Variants in TMEM245 observed in about 807,000 individuals in gnomAD.
TMEM245 encodes the protein transmembrane protein 245.
A neutral mutation model predicts 101.2 loss-of-function variants in TMEM245; 69 were observed. The ratio of observed to expected loss-of-function variants is 0.68; its 90% CI spans 0.56 to 0.83. The LOEUF (loss-of-function observed/expected upper bound fraction) is 0.83. Ranked by LOEUF, TMEM245 falls within the 40% of genes least tolerant of loss-of-function variation. The pLI is 0.00. For synonymous variants in TMEM245, 537 were observed against 449.8 expected, an observed-to-expected ratio of 1.19 and a Z score of -2.45; for missense variants, 1,075 against 1,092.8, an observed-to-expected ratio of 0.98 and a Z score of 0.23.
intron 17 of TMEM245, among the ~76,000 whole-genome samples, chr9:109,023,657 A>T (rs1285857124): frequency 1.3e-5 from 2 of 151,822 alleles, no homozygotes; most frequent in Non-Finnish European, 2.9e-5. Flanking sequence ...ACATGGTGAA[A>T]CCCCGTCCCC....
Position 109,050,401 on chromosome 9 carries a change from G to C in TMEM245, c.2005C>G (p.Leu669Val). The C allele has an allele frequency of 6.2e-7, 1 of 1,614,020 alleles. No individual in the cohort carries two copies. The highest frequency in any genetic ancestry group is 1.1e-5 in the South Asian group (1 of 91,078). The change falls in exon 14 of 18, where the codon CTA (leucine) becomes GTA (valine). Residue 669 changes from leucine to valine, a missense_variant. By Grantham distance (32) the Leu-to-Val change is conservative. Transcript: ENST00000374586. ...LIIFLTTLFY[L>V]LSSSDEYYKP... ...TAGTACTCATCACTGGAACTTAATA[G>C]ATAAAATAGTGTGGTCAGGAAAATT...
chr9:109,027,214 A>C (rs1243585352), intron 17 of TMEM245, among the ~76,000 whole-genome samples: 1 of 152,112 alleles, frequency 6.6e-6, no homozygotes, highest in Non-Finnish European at 1.5e-5. Context: ...ATGGGGGTAA[A>C]CACAGGACTG....
intron 12 of TMEM245, among the ~76,000 whole-genome samples, chr9:109,053,806 G>A (rs1449701263): frequency 6.6e-6 from 1 of 152,234 alleles, no homozygotes; most frequent in African/African-American, 2.4e-5. Context: ...AAACAAAGGA[G>A]GAAGAGGACA....
At chr9:109,053,459 G>A (rs1425474741) in intron 12 of TMEM245, among the ~76,000 whole-genome samples, 2 of 152,102 alleles carry the variant, frequency 1.3e-5, no homozygotes. Context: ...TAACTCAGAA[G>A]TAGAAAACAT....
chr9:109,046,858 G>C (rs1162290722), intron 14 of TMEM245, among the ~76,000 whole-genome samples: 1 of 152,018 alleles, frequency 6.6e-6, no homozygotes, highest in Non-Finnish European at 1.5e-5. Context: ...AAACCTTCAG[G>C]ATGAAAAATC....
At chr9:109,107,955 A>C (rs1830471010) in intron 2 of TMEM245, among the ~76,000 whole-genome samples, 1 of 152,192 alleles carries the variant, frequency 6.6e-6, no homozygotes, top group Admixed American at 6.5e-5. Flanking sequence ...ATGGTTACAG[A>C]GATCTGTTTA....
intron 14 of TMEM245, among the ~76,000 whole-genome samples, chr9:109,039,630 A>C (rs1828243181): frequency 6.6e-6 from 1 of 152,198 alleles, no homozygotes; most frequent in African/African-American, 2.4e-5. Flanking sequence ...AATAATTATA[A>C]AAGAGTACAG....
At position 109,033,018 on chromosome 9, in the gene TMEM245, C is replaced by T. The variant is rs574964954; in HGVS notation, c.2594+289G>A. On this transcript the variant is annotated intron_variant, in intron 17 of 17. Coordinates refer to ENST00000374586, the MANE Select transcript of TMEM245 (RefSeq NM_032012.4). Reference sequence around the variant, plus strand: ...TTCGCCATGTTGGCCAGGCTGGGCTCGAACTCCTGACCTCAGGTGATCCAC... The same window carrying T: ...TTCGCCATGTTGGCCAGGCTGGGCTTGAACTCCTGACCTCAGGTGATCCAC... 9.8e-4 allele frequency among the ~76,000 whole-genome samples: 149 copies of T among 152,130 alleles called. 1 individual carries two copies. Among genetic ancestry groups the T allele is most frequent in the African/African-American group, 3.3e-3 (137 of 41,518 alleles).
intron 2 of TMEM245, 87 bp from the exon 3 acceptor site, chr9:109,106,696 CA>C: frequency 1.1e-6 from 1 of 872,272 alleles, no homozygotes; most frequent in Non-Finnish European, 1.7e-6. Flanking sequence ...TTTGACAGAA[CA>C]ATCTGGTATA....
intron 16 of TMEM245, 49 bp downstream of exon 16, chr9:109,036,157 C>T (rs935842764): frequency 4.5e-5 from 58 of 1,300,996 alleles, no homozygotes; most frequent in South Asian, 1.2e-4. Flanking sequence ...AAAAAAAAAA[C>T]GGAAATGCCT....
rs546285772 is a variant in TMEM245, at chr9:109,050,411, T to C, written c.1995A>G (p.Thr665=). Residue 665 remains threonine, a synonymous_variant, in exon 14 of 18, where the codon ACA becomes ACG. Transcript: ENST00000374586. ...FVLSLIIFLT[T]LFYLLSSSDE... ...CACTGGAACTTAATAGATAAAATAG[T>C]GTGGTCAGGAAAATTATCTGCAAAA... 25 of 1,613,952 alleles carry C rather than the reference T, an allele frequency of 1.5e-5. No homozygotes were observed. In the South Asian group the frequency reaches 2.5e-4, roughly 16 times the overall value.
In TMEM245 at chr9:109,016,582, G is replaced by A. The variant is rs1035249978; in HGVS notation, c.*3878C>T. 4 of 150,948 alleles carry A rather than the reference G, an allele frequency of 2.6e-5. No homozygotes were observed. Among genetic ancestry groups the A allele is most frequent in the Non-Finnish European group, 5.9e-5 (4 of 67,866 alleles). 9.4% of individuals were successfully genotyped at this position (150,948 alleles called of 1,614,324 possible). ...TTCTAGCACAGAATTTCTGACTCTA[G>A]TAGACAGAACAACTTGATTTATAAT... On this transcript the variant is annotated 3_prime_UTR_variant, in exon 18 of 18. Transcript: ENST00000374586.
intron 12 of TMEM245, among the ~76,000 whole-genome samples, chr9:109,055,094 T>C (rs1828791687): frequency 1.3e-5 from 2 of 152,368 alleles, no homozygotes; most frequent in South Asian, 2.1e-4. Flanking sequence ...ATTTATAAAA[T>C]TTAATCATGT....
intron 12 of TMEM245, among the ~76,000 whole-genome samples, chr9:109,051,435 C>T (rs536792310): frequency 1.3e-5 from 2 of 152,110 alleles, no homozygotes; most frequent in Admixed American, 6.6e-5. Flanking sequence ...TGTCATTAGG[C>T]AATTTCGTCC....
Position 109,119,942 on chromosome 9 carries a change from G to A in TMEM245, c.-29C>T. ...TCCTCCGCCACAGCCGCCCCCGAGG[G>A]GCGGTAATGGGAGTCGGGCTAGAAA... On this transcript the variant is annotated 5_prime_UTR_variant, in exon 1 of 18. Coordinates refer to ENST00000374586, the MANE Select transcript of TMEM245 (RefSeq NM_032012.4). 7.7e-7 allele frequency: 1 copy of A among 1,292,334 alleles called. No individual in the cohort carries two copies. The highest frequency in any genetic ancestry group is 2.7e-4 in the Middle Eastern group (1 of 3,716). The allele number at this position is 1,292,334 out of a possible 1,614,324, so 80.1% of individuals were successfully genotyped here. A position where few individuals can be genotyped will look rare whatever the true frequency, so the allele number is the denominator to read the frequency against.
Position 109,038,093 on chromosome 9 carries a change from T to C in TMEM245, c.2148A>G (p.Lys716=), listed in dbSNP as rs1275064638. 2 of 1,613,268 alleles carry C rather than the reference T, an allele frequency of 1.2e-6. No homozygotes were observed. The highest frequency in any genetic ancestry group is 2.2e-5 in the South Asian group (2 of 90,958). Residue 716 remains lysine (K), a synonymous_variant, in exon 15 of 18, where the codon AAA becomes AAG. Coordinates refer to ENST00000374586, the MANE Select transcript of TMEM245 (RefSeq NM_032012.4). ...TATACAATCCATAGAAGCCAGCCAT[T>C]TTGAGGGAAGCATCAAACACCCCTC... ...AIRGVFDASL[K]MAGFYGLYTW...
At chr9:109,023,196 T>C (rs1827683401) in intron 17 of TMEM245, among the ~76,000 whole-genome samples, 2 of 152,166 alleles carry the variant, frequency 1.3e-5, no homozygotes, top group Non-Finnish European at 2.9e-5. Context: ...TCTAGGTATG[T>C]AGGGTGTTAG....
intron 17 of TMEM245, among the ~76,000 whole-genome samples, chr9:109,022,424 C>A (rs1827656014): frequency 6.6e-6 from 1 of 152,030 alleles, no homozygotes; most frequent in Non-Finnish European, 1.5e-5. Flanking sequence ...GAAAACAAGT[C>A]CAAAGGTGAA....
Position 109,020,233 on chromosome 9 carries a change from A to G in TMEM245, c.*227T>C. The G allele has an allele frequency of 1.7e-6, 1 of 582,500 alleles. No homozygotes were observed. The highest frequency in any genetic ancestry group is 3.1e-6 in the Non-Finnish European group (1 of 318,820). The allele number at this position is 582,500 out of a possible 1,614,324, so 36.1% of individuals were successfully genotyped here. A position where few individuals can be genotyped will look rare whatever the true frequency, so the allele number is the denominator to read the frequency against. On this transcript the variant is annotated 3_prime_UTR_variant, in exon 18 of 18. Coordinates refer to ENST00000374586, the MANE Select transcript of TMEM245 (RefSeq NM_032012.4). ...TTTCAAGCCATCTTAACAACAGTTA[A>G]GTGAGCAAACCACCAACTCTGAACT...
Sources: allele counts gnomAD v4.1 joint callset (sites outside exome capture counted in the v4.1 genomes callset), GRCh38; gene constraint gnomAD v4.1.1; transcripts MANE v1.5; gene names NCBI Gene and HGNC (gene_info 2026-07-23, HGNC 2026-07-21).